STK24: variants seen among roughly 807,000 people sequenced by gnomAD.
STK24 encodes serine/threonine kinase 24, also known as serine/threonine-protein kinase 24.
STK24 carries 21 observed loss-of-function variants against 55.6 expected under a neutral mutation model. The observed-to-expected ratio is 0.38, with a 90% CI of 0.27 to 0.54. The LOEUF (loss-of-function observed/expected upper bound fraction) is 0.54. Among genes scored for constraint, STK24 ranks in the 20% least tolerant of loss-of-function variants. STK24 has a pLI of 0.79. For missense variants in STK24, 383 were observed against 538.4 expected, an observed-to-expected ratio of 0.71 and a Z score of 2.86; for synonymous variants, 200 against 215.2, an observed-to-expected ratio of 0.93 and a Z score of 0.62.
At chr13:98,545,417 CG>C (rs1897003582) in intron 1 of STK24, among the ~76,000 whole-genome samples, 1 of 152,024 alleles carries the variant, frequency 6.6e-6, no homozygotes, top group African/African-American at 2.4e-5. Flanking sequence ...GAGGCCGAGG[CG>C]GGTGGATCAC....
chr13:98,470,530 T>C (rs1894103282), intron 5 of STK24, among the ~76,000 whole-genome samples: 1 of 152,206 alleles, frequency 6.6e-6, no homozygotes, highest in Admixed American at 6.5e-5. Context: ...GGGAAAGATA[T>C]GAAATTAGAC....
chr13:98,527,951 G>A lies in STK24; in HGVS notation c.43-8478C>T, dbSNP rs1267282950. Reference sequence around the variant, plus strand: ...CCCGCCAGCTCCTGTACCTCTCTGGGCCTGACTCAACGGCAGAAAGCAAAA... The same window carrying A: ...CCCGCCAGCTCCTGTACCTCTCTGGACCTGACTCAACGGCAGAAAGCAAAA... On this transcript the variant is annotated intron_variant, in intron 1 of 10. Coordinates refer to ENST00000539966, the MANE Select transcript of STK24 (RefSeq NM_001032296.4). 2.6e-5 allele frequency among the ~76,000 whole-genome samples: 4 copies of A among 152,286 alleles called. No individual in the cohort carries two copies. In the South Asian group the frequency reaches 8.3e-4, roughly 32 times the overall value.
chr13:98,494,319 C>G (rs1270182356), intron 2 of STK24, among the ~76,000 whole-genome samples: 10 of 143,710 alleles, frequency 7.0e-5, no homozygotes, highest in Non-Finnish European at 1.4e-4. Flanking sequence ...CTGAGTGAGG[C>G]AGGAGAATGG....
At chr13:98,569,566 C>A (rs1185529806) in intron 1 of STK24, among the ~76,000 whole-genome samples, 2 of 152,024 alleles carry the variant, frequency 1.3e-5, no homozygotes, top group African/African-American at 4.8e-5. Flanking sequence ...AGGTGCCACC[C>A]GAACTTCCTA....
At chr13:98,556,534 C>A (rs576008725) in intron 1 of STK24, among the ~76,000 whole-genome samples, 92 of 151,992 alleles carry the variant, frequency 6.1e-4, no homozygotes, top group African/African-American at 1.7e-3. Flanking sequence ...ACAACAACAA[C>A]AAAAAAATCA....
chr13:98,569,674 TG>T (rs1272376287), intron 1 of STK24, among the ~76,000 whole-genome samples: 1 of 152,032 alleles, frequency 6.6e-6, no homozygotes, highest in East Asian at 1.9e-4. Flanking sequence ...TAATAATGGC[TG>T]GGCTGCAGAT....
chr13:98,523,846 T>C (rs961058454), intron 1 of STK24, among the ~76,000 whole-genome samples: 5 of 152,202 alleles, frequency 3.3e-5, no homozygotes, highest in African/African-American at 9.7e-5. Context: ...AAACTGATGC[T>C]AGAAGCTGGG....
chr13:98,537,939 G>A (rs1896780087), intron 1 of STK24, among the ~76,000 whole-genome samples: 1 of 152,126 alleles, frequency 6.6e-6, no homozygotes, highest in Non-Finnish European at 1.5e-5. Flanking sequence ...CCGCTGCATG[G>A]CCCAACCACT....
chr13:98,463,922 C>G (rs1178807028), intron 6 of STK24, 86 bp from the exon 7 acceptor site: 1 of 1,463,240 alleles, frequency 6.8e-7, no homozygotes, highest in African/African-American at 1.4e-5. Flanking sequence ...AAAATGTCAA[C>G]CGCCACACTG....
At chr13:98,472,680 C>T (rs1354861463) in intron 5 of STK24, among the ~76,000 whole-genome samples, 1 of 152,202 alleles carries the variant, frequency 6.6e-6, no homozygotes, top group Non-Finnish European at 1.5e-5. Context: ...GTTTGTAATA[C>T]AACTTTTTTC....
intron 1 of STK24, among the ~76,000 whole-genome samples, chr13:98,524,706 A>C (rs34753067): frequency 1.3e-5 from 2 of 152,260 alleles, no homozygotes; most frequent in Non-Finnish European, 2.9e-5. Context: ...AACAGAAACC[A>C]CTGCGGGAGA....
intron 2 of STK24, among the ~76,000 whole-genome samples, chr13:98,503,756 C>G (rs1274557613): frequency 6.6e-6 from 1 of 152,108 alleles, no homozygotes; most frequent in Non-Finnish European, 1.5e-5. Flanking sequence ...AAATAAGAGA[C>G]AGAAAAAAGG....
Position 98,518,899 on chromosome 13 carries a change from T to C in STK24, c.273+344A>G, listed in dbSNP as rs1896165178. Among the ~76,000 whole-genome samples, 4 of 152,324 alleles carry C rather than the reference T, an allele frequency of 2.6e-5. 1 individual carries two copies. Among genetic ancestry groups the C allele is most frequent in the African/African-American group, 9.6e-5 (4 of 41,560 alleles). The stretch of plus-strand genomic sequence containing the variant: ...ATATCAAAAGATTAACATTCTTAAG[T>C]TGGTATGAGTTTTTAATACTAATCA... On this transcript the variant is annotated intron_variant, in intron 2 of 10. Coordinates refer to ENST00000539966, the MANE Select transcript of STK24 (RefSeq NM_001032296.4).
intron 2 of STK24, among the ~76,000 whole-genome samples, chr13:98,514,290 T>C (rs1895982709): frequency 2.0e-5 from 3 of 152,242 alleles, no homozygotes. Flanking sequence ...CAGTATTTTT[T>C]ACTCTTTTCC....
chr13:98,477,156 ACTATT>A (rs1447265554), intron 3 of STK24, among the ~76,000 whole-genome samples: 12 of 152,246 alleles, frequency 7.9e-5, no homozygotes, highest in Admixed American at 2.6e-4. Flanking sequence ...TATCAAAACT[ACTATT>A]CTAAAGAACA....
intron 1 of STK24, among the ~76,000 whole-genome samples, chr13:98,523,567 A>G (rs1594638310): frequency 6.6e-6 from 1 of 152,176 alleles, no homozygotes; most frequent in South Asian, 2.1e-4. Context: ...GGACGTGACC[A>G]TGAGGCAGTG....
At position 98,576,797 on chromosome 13, in the gene STK24, A is replaced by G. The variant is rs1054604559; in HGVS notation, c.-11T>C. On this transcript the variant is annotated 5_prime_UTR_variant, in exon 1 of 11. Coordinates refer to ENST00000539966, the MANE Select transcript of STK24 (RefSeq NM_001032296.4). The stretch of plus-strand genomic sequence containing the variant: ...CGGGGAGTGAGCCATGGCGCTCAGG[A>G]CGGCCACTTCCTGGGACGGGACGGC... 1.4e-6 allele frequency: 2 copies of G among 1,392,610 alleles called. No homozygotes were observed. Among genetic ancestry groups the G allele is most frequent in the Non-Finnish European group, 1.9e-6 (2 of 1,069,430 alleles). The allele number at this position is 1,392,610 out of a possible 1,614,324, so 86.3% of individuals were successfully genotyped here.
intron 2 of STK24, among the ~76,000 whole-genome samples, chr13:98,499,323 G>A (rs1303867817): frequency 2.0e-5 from 3 of 152,126 alleles, no homozygotes; most frequent in East Asian, 1.9e-4. Context: ...CCAGACGCAC[G>A]GCAGAGGGAA....
Position 98,446,837 on chromosome 13 carries a change from G to T in STK24, c.*6336C>A. On this transcript the variant is annotated 3_prime_UTR_variant, in exon 11 of 11. Coordinates refer to ENST00000539966, the MANE Select transcript of STK24 (RefSeq NM_001032296.4). ...CGAAAGGTAGACACCCCCTTCCCAC[G>T]CACAGGGCCCTGCAGAAGAGGACCC... 6.2e-7 allele frequency: 1 copy of T among 1,613,230 alleles called. No homozygotes were observed. Among genetic ancestry groups the T allele is most frequent in the Non-Finnish European group, 8.5e-7 (1 of 1,179,480 alleles).
Sources: allele counts gnomAD v4.1 joint callset (sites outside exome capture counted in the v4.1 genomes callset), GRCh38; gene constraint gnomAD v4.1.1; transcripts MANE v1.5; gene names NCBI Gene and HGNC (gene_info 2026-07-23, HGNC 2026-07-21).